WNK3: variants seen among roughly 807,000 people sequenced by gnomAD.
The protein encoded by WNK3 is WNK lysine deficient protein kinase 3, also known as serine/threonine-protein kinase WNK3.
In WNK3, 18 loss-of-function variants were observed where a neutral mutation model predicts 116.7. The ratio of observed to expected loss-of-function variants is 0.15; its 90% CI spans 0.11 to 0.23. WNK3 has a LOEUF of 0.23. Among genes scored for constraint, WNK3 ranks in the 10% least tolerant of loss-of-function variants. WNK3 has a pLI of 1.00. For missense variants in WNK3, 993 were observed against 1,323.8 expected (o/e 0.75, Z 3.88); for synonymous variants, 404 against 469.4 (o/e 0.86, Z 1.80).
At chrX:54,221,965 T>C (rs2067767383) in intron 22 of WNK3, among the ~76,000 whole-genome samples, 1 of 112,018 alleles carries the variant, frequency 8.9e-6, no homozygotes, top group Admixed American at 9.5e-5. Context: ...GAGACCAGCC[T>C]GGCTAATATG....
At chrX:54,242,868 G>A (rs782218020) in intron 17 of WNK3, among the ~76,000 whole-genome samples, 4 of 111,962 alleles carry the variant, frequency 3.6e-5, no homozygotes, top group Non-Finnish European at 3.8e-5. Context: ...ACTTTTGTGC[G>A]TTAAAGGATA....
Position 54,238,907 on chromosome X carries a change from G to A in WNK3, c.3844C>T (p.Gln1282Ter), listed in dbSNP as rs1569536313. 1 of 1,200,573 alleles carries A rather than the reference G, an allele frequency of 8.3e-7. No homozygotes were observed. The highest frequency in any genetic ancestry group is 2.2e-5 in the Admixed American group (1 of 44,739). Residue 1282 changes from glutamine (Q) to a stop codon, truncating the protein, a stop_gained, in exon 18 of 24, where the codon CAG becomes TAG. Transcript: ENST00000354646. LOFTEE classifies it high-confidence loss of function. ...GATCTCTTGAAAAAGCTGGTTGACT[G>A]CCGTAGCCTGTATGCCCAGCTTTTT...
At chrX:54,302,757 A>ATATATTTTT (rs1557167848) in intron 5 of WNK3, among the ~76,000 whole-genome samples, 1 of 43,367 alleles carries the variant, frequency 2.3e-5, no homozygotes, top group African/African-American at 1.1e-4. Flanking sequence ...ATATATATAT[A>ATATATTTTT]TTTTTTTTTT....
intron 10 of WNK3, among the ~76,000 whole-genome samples, chrX:54,274,818 C>A (rs1296045806): frequency 9.1e-6 from 1 of 109,548 alleles, no homozygotes; most frequent in Non-Finnish European, 1.9e-5. Flanking sequence ...CCAGCCTGGG[C>A]AATATAGCAA....
intron 1 of WNK3, among the ~76,000 whole-genome samples, chrX:54,346,376 T>C (rs2069430321): frequency 9.5e-6 from 1 of 105,674 alleles, no homozygotes; most frequent in African/African-American, 3.4e-5. Context: ...AGACTGAGGC[T>C]GGCAGATTGC....
intron 10 of WNK3, among the ~76,000 whole-genome samples, chrX:54,280,664 C>T (rs782200933): frequency 2.7e-5 from 3 of 111,917 alleles, no homozygotes; most frequent in Non-Finnish European, 3.8e-5. Flanking sequence ...TTTTCCTAGG[C>T]GAACTAACAC....
intron 1 of WNK3, among the ~76,000 whole-genome samples, chrX:54,353,121 T>C (rs1156676167): frequency 5.4e-5 from 6 of 111,767 alleles, no homozygotes; most frequent in Non-Finnish European, 1.1e-4. Context: ...CTGCACAACA[T>C]TGTGAAGTTA....
At chrX:54,333,402 T>C in exon 2 of WNK3, 1 of 1,211,991 alleles carries the variant, frequency 8.3e-7, no homozygotes, top group African/African-American at 1.7e-5. Context: ...AGGAAGCTTA[T>C]CTACTCTTGG....
At chrX:54,290,876 G>A (rs1453294062) in intron 10 of WNK3, among the ~76,000 whole-genome samples, 3 of 111,353 alleles carry the variant, frequency 2.7e-5, no homozygotes, top group Non-Finnish European at 3.8e-5. Context: ...CAAATTTCTT[G>A]CTTATGTGGC....
chrX:54,334,272 G>A (rs983984767), intron 1 of WNK3, among the ~76,000 whole-genome samples: 2 of 111,792 alleles, frequency 1.8e-5, no homozygotes, highest in African/African-American at 6.5e-5. Flanking sequence ...ATTCAGTGGT[G>A]TTAAGTACAT....
chrX:54,317,868 G>A (rs1006987328), intron 2 of WNK3, among the ~76,000 whole-genome samples: 1 of 108,805 alleles, frequency 9.2e-6, no homozygotes, highest in South Asian at 4.2e-4. Flanking sequence ...TTCTGACCTC[G>A]TGATCCACCT....
intron 1 of WNK3, among the ~76,000 whole-genome samples, chrX:54,339,020 A>C (rs1457644216): frequency 3.7e-5 from 4 of 107,815 alleles, no homozygotes; most frequent in African/African-American, 1.3e-4. Flanking sequence ...AAAAAAAAAG[A>C]AGCAAATAAG....
chrX:54,351,203 C>T (rs902569431), intron 1 of WNK3, among the ~76,000 whole-genome samples: 1 of 110,972 alleles, frequency 9.0e-6, no homozygotes, highest in African/African-American at 3.3e-5. Context: ...TGACACTCTT[C>T]GGGAGAAAAG....
exon 16 of WNK3, chrX:54,250,032 T>C (rs2068112982): frequency 1.7e-6 from 2 of 1,204,968 alleles, no homozygotes; most frequent in African/African-American, 3.5e-5. Flanking sequence ...AGACATGGAA[T>C]GCTGAAGAGA....
At chrX:54,263,988 C>T (rs1321942715) in intron 10 of WNK3, among the ~76,000 whole-genome samples, 1 of 106,829 alleles carries the variant, frequency 9.4e-6, no homozygotes, top group Admixed American at 1.0e-4. Flanking sequence ...AGTTCAGCCT[C>T]CTGAGCAGCT....
At chrX:54,295,578 T>C (rs2068689599) in intron 7 of WNK3, among the ~76,000 whole-genome samples, 1 of 112,272 alleles carries the variant, frequency 8.9e-6, no homozygotes, top group Non-Finnish European at 1.9e-5. Context: ...TCAGGTGGTG[T>C]GAAATGGACA....
exon 19 of WNK3, chrX:54,238,357 C>A: frequency 1.7e-6 from 2 of 1,207,784 alleles, no homozygotes; most frequent in Non-Finnish European, 2.2e-6. Context: ...ACCGACCCCG[C>A]TGAAATGATC....
chrX:54,242,507 C>T (rs67851473), intron 17 of WNK3, among the ~76,000 whole-genome samples: 6,787 of 112,162 alleles, frequency 0.061, 515 homozygotes, highest in African/African-American at 0.21. Context: ...ACTCACATTT[C>T]CTGATTTCCA....
intron 17 of WNK3, among the ~76,000 whole-genome samples, chrX:54,242,612 T>C (rs1347517011): frequency 8.9e-6 from 1 of 112,199 alleles, no homozygotes; most frequent in Non-Finnish European, 1.9e-5. Context: ...AGTCCAGAAA[T>C]AAATCCATAC....
Sources: allele counts gnomAD v4.1 joint callset (sites outside exome capture counted in the v4.1 genomes callset), GRCh38; gene constraint gnomAD v4.1.1; transcripts MANE v1.5; gene names NCBI Gene and HGNC (gene_info 2026-07-23, HGNC 2026-07-21).